The following PLCB1 variants were observed in gnomAD, a reference collection of about 807,000 sequenced individuals.
PLCB1 encodes 1-phosphatidylinositol 4,5-bisphosphate phosphodiesterase beta-1.
PLCB1 carries 46 observed loss-of-function variants against 161.8 expected under a neutral mutation model. The ratio of observed to expected loss-of-function variants is 0.28; its 90% confidence interval spans 0.22 to 0.36. The LOEUF is 0.36. Ranked by LOEUF, PLCB1 falls within the 10% of genes least tolerant of loss-of-function variation. PLCB1 has a pLI of 1.00. For missense variants in PLCB1, 1,016 were observed against 1,472.5 expected (o/e 0.69, Z 5.07); for synonymous variants, 517 against 503.7 (o/e 1.03, Z -0.35).
chr20:8,840,006 G>A (rs1163041232), intron 31 of PLCB1, among the ~76,000 whole-genome samples: 1 of 150,942 alleles, frequency 6.6e-6, no homozygotes, highest in Non-Finnish European at 1.5e-5. Flanking sequence ...ACTCCAACCT[G>A]GGTGACAGAG....
chr20:8,674,353 T>C (rs1990024631), intron 9 of PLCB1, among the ~76,000 whole-genome samples: 1 of 152,160 alleles, frequency 6.6e-6, no homozygotes, highest in Non-Finnish European at 1.5e-5. Flanking sequence ...AAAACAAGTC[T>C]CTCTCTCTCA....
chr20:8,608,961 G>A (rs1285505543), intron 3 of PLCB1, among the ~76,000 whole-genome samples: 3 of 152,102 alleles, frequency 2.0e-5, no homozygotes, highest in Non-Finnish European at 2.9e-5. Context: ...ATAAATATAA[G>A]CATCTTAATC....
chr20:8,250,534 A>G (rs1180155048), intron 2 of PLCB1, among the ~76,000 whole-genome samples: 1 of 151,600 alleles, frequency 6.6e-6, no homozygotes, highest in Non-Finnish European at 1.5e-5. Flanking sequence ...TGGCTTTTTT[A>G]ACCTTTCCTT....
chr20:8,207,484 A>G (rs577647665), intron 2 of PLCB1, among the ~76,000 whole-genome samples: 2 of 151,518 alleles, frequency 1.3e-5, no homozygotes, highest in East Asian at 3.9e-4. Flanking sequence ...TACTTACCAA[A>G]CACTGTGGAA....
chr20:8,480,434 T>G (rs1329607471), intron 3 of PLCB1, among the ~76,000 whole-genome samples: 1 of 152,168 alleles, frequency 6.6e-6, no homozygotes, highest in Non-Finnish European at 1.5e-5. Flanking sequence ...GAAGGAGATG[T>G]TCTGAAGAGC....
intron 31 of PLCB1, among the ~76,000 whole-genome samples, chr20:8,827,790 A>T (rs1288212826): frequency 2.6e-5 from 4 of 152,252 alleles, no homozygotes; most frequent in Admixed American, 6.5e-5. Flanking sequence ...AATCAAACGA[A>T]GAAGAATATT....
chr20:8,359,024 T>C (rs1260968557), intron 2 of PLCB1, among the ~76,000 whole-genome samples: 5 of 152,208 alleles, frequency 3.3e-5, no homozygotes, highest in African/African-American at 1.2e-4. Context: ...TGTTCTTCTG[T>C]ATTTTGTTTC....
chr20:8,225,005 C>A (rs142216951), intron 2 of PLCB1, among the ~76,000 whole-genome samples: 25 of 152,176 alleles, frequency 1.6e-4, no homozygotes, highest in African/African-American at 5.3e-4. Flanking sequence ...TATAGTGAAC[C>A]CTAATGTGTC....
intron 2 of PLCB1, among the ~76,000 whole-genome samples, chr20:8,325,831 AG>A (rs1985130999): frequency 6.6e-6 from 1 of 152,208 alleles, no homozygotes; most frequent in South Asian, 2.1e-4. Flanking sequence ...TGGAATATTC[AG>A]GAAGTGCCAG....
intron 3 of PLCB1, among the ~76,000 whole-genome samples, chr20:8,388,064 CT>C (rs1987481227): frequency 6.6e-6 from 1 of 151,122 alleles, no homozygotes; most frequent in African/African-American, 2.4e-5. Flanking sequence ...TCCTGGATGC[CT>C]AAAAAATATT....
At chr20:8,377,200 C>A (rs188572092) in intron 3 of PLCB1, among the ~76,000 whole-genome samples, 138 of 152,124 alleles carry the variant, frequency 9.1e-4, no homozygotes, top group African/African-American at 3.0e-3. Flanking sequence ...GGGAAGGGGT[C>A]TGCTGCTTTA....
chr20:8,755,058 G>T (rs903812051), intron 23 of PLCB1, among the ~76,000 whole-genome samples: 2 of 152,272 alleles, frequency 1.3e-5, no homozygotes, highest in East Asian at 1.9e-4. Context: ...GGCTGCCCCG[G>T]TTACTTGTTT....
At chr20:8,417,533 C>T (rs553496043) in intron 3 of PLCB1, among the ~76,000 whole-genome samples, 41 of 151,528 alleles carry the variant, frequency 2.7e-4, no homozygotes, top group African/African-American at 8.0e-4. Context: ...TTGCATTGGT[C>T]GAGTGCCTTG....
At chr20:8,324,809 C>T (rs1317118032) in intron 2 of PLCB1, among the ~76,000 whole-genome samples, 1 of 152,110 alleles carries the variant, frequency 6.6e-6, no homozygotes, top group Non-Finnish European at 1.5e-5. Flanking sequence ...AAAAAATTTA[C>T]TTATGCTCAA....
At chr20:8,335,756 A>T (rs1315458459) in intron 2 of PLCB1, among the ~76,000 whole-genome samples, 2 of 152,260 alleles carry the variant, frequency 1.3e-5, no homozygotes, top group African/African-American at 4.8e-5. Flanking sequence ...TCTTCTTGGC[A>T]TCTCCAGGAC....
At chr20:8,763,283 C>T (rs1982140503) in intron 25 of PLCB1, among the ~76,000 whole-genome samples, 1 of 152,222 alleles carries the variant, frequency 6.6e-6, no homozygotes, top group Admixed American at 6.5e-5. Context: ...CTCATTGAAA[C>T]CTCCGTCTCC....
intron 2 of PLCB1, among the ~76,000 whole-genome samples, chr20:8,291,859 T>C (rs1983398655): frequency 6.6e-6 from 1 of 152,144 alleles, no homozygotes; most frequent in Non-Finnish European, 1.5e-5. Flanking sequence ...GAAATGTATA[T>C]ATTAACTAAT....
chr20:8,323,049 T>A (rs1186604410), intron 2 of PLCB1, among the ~76,000 whole-genome samples: 1 of 152,034 alleles, frequency 6.6e-6, no homozygotes, highest in African/African-American at 2.4e-5. Context: ...ATGAAAAGGG[T>A]TTCCTATAAA....
intron 3 of PLCB1, among the ~76,000 whole-genome samples, chr20:8,541,026 A>G (rs1017502505): frequency 2.0e-5 from 3 of 152,170 alleles, no homozygotes; most frequent in African/African-American, 7.2e-5. Context: ...GGCATACAGA[A>G]GCCTCCGTTA....
Sources: gnomAD v4.1 joint callset for allele counts (sites outside exome capture counted in the v4.1 genomes callset) on GRCh38, gnomAD v4.1.1 for gene constraint, MANE v1.5 for transcripts, NCBI Gene and HGNC (gene_info 2026-07-23, HGNC 2026-07-21) for gene names.